Variants in ALMS1 observed in about 807,000 individuals in gnomAD.
ALMS1 encodes the protein ALMS1 centrosome and basal body associated protein, also known as centrosome-associated protein ALMS1.
Under a neutral mutation model 352.2 loss-of-function variants are expected in ALMS1, and 271 were observed. That is an observed-to-expected ratio of 0.77 (90% CI 0.70 to 0.85). The LOEUF (loss-of-function observed/expected upper bound fraction) is 0.85, where lower values mean the gene tolerates loss of function less well. Ranked by LOEUF, ALMS1 falls within the 40% of genes least tolerant of loss-of-function variation. The pLI, the probability that ALMS1 is intolerant of heterozygous loss-of-function variation, is 0.00. For missense variants in ALMS1, 5,445 were observed against 4,870.7 expected (o/e 1.12, Z -3.51); for synonymous variants, 1,865 against 1,761.2 (o/e 1.06, Z -1.48).
chr2:73,475,502 T>C (rs1025311373), intron 9 of ALMS1, among the ~76,000 whole-genome samples: 1 of 152,190 alleles, frequency 6.6e-6, no homozygotes, highest in Non-Finnish European at 1.5e-5. Context: ...CATGTGCTTA[T>C]TGGTCATTTA....
intron 7 of ALMS1, among the ~76,000 whole-genome samples, chr2:73,446,933 TA>T (rs1671820833): frequency 1.3e-5 from 2 of 152,132 alleles, no homozygotes; most frequent in Non-Finnish European, 2.9e-5. Flanking sequence ...ACGTAAAAAA[TA>T]GATAATACTT....
At chr2:73,478,575 A>AT (rs201188348) in intron 9 of ALMS1, among the ~76,000 whole-genome samples, 5 of 151,728 alleles carry the variant, frequency 3.3e-5, no homozygotes, top group Admixed American at 6.6e-5. Flanking sequence ...TAAAAACAAC[A>AT]TTTTTTTTGC....
intron 12 of ALMS1, among the ~76,000 whole-genome samples, chr2:73,546,136 C>G (rs1238630597): frequency 6.6e-6 from 1 of 152,054 alleles, no homozygotes; most frequent in Admixed American, 6.6e-5. Flanking sequence ...GATTTTGACC[C>G]TCTATAGCAA....
In ALMS1 at chr2:73,453,616, A is replaced by G. The variant is rs751020257; in HGVS notation, c.7089A>G (p.Leu2363=). Residue 2363 remains leucine, a synonymous_variant, in exon 8 of 23, where the codon CTA becomes CTG. Transcript: ENST00000613296. The stretch of plus-strand genomic sequence containing the variant: ...GTTCAACTACAGTTAGAAGTCCTCT[A>G]CAGGAAGCAGAGAGCAAAGTCAGTA... ...FISSTTVRSP[L]QEAESKVSMA... 46 of 1,613,928 alleles carry G rather than the reference A, an allele frequency of 2.9e-5. No homozygotes were observed. Among genetic ancestry groups the G allele is most frequent in the Non-Finnish European group, 3.6e-5 (43 of 1,180,004 alleles).
At position 73,600,709 on chromosome 2, in the gene ALMS1, A is replaced by C. The variant is rs1224532344; in HGVS notation, c.11700A>C (p.Lys3900Asn). 1.2e-6 allele frequency: 2 copies of C among 1,613,976 alleles called. No homozygotes were observed. Among genetic ancestry groups the C allele is most frequent in the Middle Eastern group, 3.3e-4 (2 of 6,084 alleles). The change falls in exon 18 of 23, where the codon AAA becomes AAC. Residue 3900 changes from lysine (K) to asparagine (N), a missense_variant. Physicochemically the swap from Lys to Asn is moderately conservative, Grantham distance 94. Transcript: ENST00000613296. ...GNLEIVNGAKKHTRDVGITFP... is the reference protein window; with the variant it reads ...GNLEIVNGAKNHTRDVGITFP... Reference sequence around the variant, plus strand: ...TGGAGATTGTGAACGGTGCCAAAAAACACACTCGAGATGTTGGGATAACTT... The same window carrying C: ...TGGAGATTGTGAACGGTGCCAAAAACCACACTCGAGATGTTGGGATAACTT...
chr2:73,470,870 T>A (rs1257587327), intron 9 of ALMS1: 2 of 151,820 alleles, frequency 1.3e-5, no homozygotes, highest in African/African-American at 4.8e-5. Context: ...TCTCTTGGGA[T>A]GGTTTTTTAT....
intron 1 of ALMS1, among the ~76,000 whole-genome samples, chr2:73,407,137 T>C (rs1670988225): frequency 6.6e-6 from 1 of 152,220 alleles, no homozygotes; most frequent in Non-Finnish European, 1.5e-5. Context: ...ATGGGGACTC[T>C]GCAGAATCCT....
rs1453153295 is a variant in ALMS1, at chr2:73,452,549, A to C, written c.6022A>C (p.Lys2008Gln). ...ISTVHIPDDQ[K>Q]TEFPAATLSS... is the part of the protein sequence containing the mutation. ...AACTGTGCATATACCAGATGACCAG[A>C]AAACTGAGTTTCCAGCAGCTACCCT... The change falls in exon 8 of 23, where the codon AAA (lysine) becomes CAA (glutamine). Residue 2008 changes from lysine (K) to glutamine (Q), a missense_variant. Transcript: ENST00000613296. The C allele has an allele frequency of 1.9e-6, 3 of 1,614,100 alleles. No individual in the cohort carries two copies.
rs1167403004 is a variant in ALMS1 at position 73,550,306 on chromosome 2, T to C, written c.9947T>C (p.Val3316Ala). The change falls in exon 13 of 23, where the codon GTG becomes GCG. Residue 3316 changes from valine to alanine, a missense_variant. Physicochemically the swap from Val to Ala is moderately conservative, Grantham distance 64 (BLOSUM62 0). Transcript: ENST00000613296. ...ATTGCTCCAGACTTCCCAGCTCAGG[T>C]GCTAGGCACAAGAGATGATGACCTC... is the stretch of plus-strand genomic sequence containing the variant. The part of the protein sequence containing the change: ...DAIAPDFPAQ[V>A]LGTRDDDLSA... The C allele has an allele frequency of 6.2e-7, 1 of 1,614,172 alleles. No homozygotes were observed.
chr2:73,392,495 C>T (rs773511464), intron 1 of ALMS1, among the ~76,000 whole-genome samples: 2 of 152,138 alleles, frequency 1.3e-5, no homozygotes, highest in Non-Finnish European at 2.9e-5. Context: ...AAACCCCATA[C>T]ACTTTAGCTG....
chr2:73,415,673 C>T lies in ALMS1; in HGVS notation c.451-3450C>T, dbSNP rs186874193. Among the ~76,000 whole-genome samples the T allele has an allele frequency of 1.1e-3, 173 of 152,222 alleles. 1 individual carries two copies. Among genetic ancestry groups the T allele is most frequent in the African/African-American group, 3.5e-3 (146 of 41,522 alleles). ...GGATTTCCAGGCAATATTGAGTGCC[C>T]TTCAGGTTTAGTGACATCAATTTAA... On this transcript the variant is annotated intron_variant, in intron 2 of 22. Coordinates refer to ENST00000613296, the MANE Select transcript of ALMS1 (RefSeq NM_001378454.1).
At chr2:73,482,337 A>G (rs1476182114) in intron 9 of ALMS1, among the ~76,000 whole-genome samples, 3 of 152,190 alleles carry the variant, frequency 2.0e-5, no homozygotes, top group African/African-American at 4.8e-5. Context: ...TGAGAAAATC[A>G]TGTGGTTTTT....
chr2:73,419,074 T>C (rs779040811), intron 2 of ALMS1, 49 bp from the exon 3 acceptor site: 16 of 1,456,032 alleles, frequency 1.1e-5, no homozygotes, highest in Middle Eastern at 1.8e-4. Flanking sequence ...TTAATATGTA[T>C]GGTAACTCAG....
In ALMS1 at chr2:73,600,659, C is replaced by G; in HGVS notation, c.11669-19C>G. The G allele has an allele frequency of 1.2e-6, 2 of 1,608,634 alleles. No individual in the cohort carries two copies. The highest frequency in any genetic ancestry group is 1.7e-6 in the Non-Finnish European group (2 of 1,177,316). On this transcript the variant is annotated intron_variant, in intron 17 of 22. Transcript: ENST00000613296. Reference sequence around the variant, plus strand: ...GCCTCAAGGTTACTCCCAGAGACACCTATGATCCTTCCCCTCAGGTAACTT... The same window carrying G: ...GCCTCAAGGTTACTCCCAGAGACACGTATGATCCTTCCCCTCAGGTAACTT...
rs765378599 is a variant in ALMS1 at position 73,386,071 on chromosome 2, T to A, written c.203T>A (p.Ile68Lys). The A allele has an allele frequency of 6.3e-7, 1 of 1,595,432 alleles. No homozygotes were observed. The highest frequency in any genetic ancestry group is 1.1e-5 in the South Asian group (1 of 87,808). Residue 68 changes from isoleucine (I) to lysine (K), a missense_variant, in exon 1 of 23, where the codon ATA becomes AAA. Coordinates refer to ENST00000613296, the MANE Select transcript of ALMS1 (RefSeq NM_001378454.1). ...SHYGPQHLES[I>K]DDEEDEEAKA... Reference sequence around the variant, plus strand: ...TACGGGCCCCAGCATCTGGAAAGTATAGACGACGAGGAGGACGAGGAGGCC... The same window carrying A: ...TACGGGCCCCAGCATCTGGAAAGTAAAGACGACGAGGAGGACGAGGAGGCC...
chr2:73,455,299 T>G lies in ALMS1; in HGVS notation c.7674+4T>G. Reference sequence around the variant, plus strand: ...AAGAACAACTGACTTGTCCAAGGTATAAAAGAAATCTGGAAATGAAGAAAG... The same window carrying G: ...AAGAACAACTGACTTGTCCAAGGTAGAAAAGAAATCTGGAAATGAAGAAAG... On this transcript the variant is annotated splice_donor_region_variant and intron_variant, in intron 9 of 22. Coordinates refer to ENST00000613296, the MANE Select transcript of ALMS1 (RefSeq NM_001378454.1). The G allele has an allele frequency of 6.2e-7, 1 of 1,613,942 alleles. No homozygotes were observed.
In ALMS1 at chr2:73,490,160, T is replaced by C; in HGVS notation, c.8201T>C (p.Val2734Ala). The C allele has an allele frequency of 6.2e-7, 1 of 1,614,194 alleles. No individual in the cohort carries two copies. The highest frequency in any genetic ancestry group is 1.3e-5 in the African/African-American group (1 of 75,058). ...ATTTCCAATTCCTCTGTTGTTAAGG[T>C]TGGTGTTACTGAAGGTAGCCAGTGT... is the stretch of plus-strand genomic sequence containing the variant. ...KCISNSSVVK[V>A]GVTEGSQCTG... Residue 2734 changes from valine (V) to alanine (A), a missense_variant, in exon 10 of 23, where the codon GTT (valine) becomes GCT (alanine). Physicochemically the swap from Val to Ala is moderately conservative, Grantham distance 64. Coordinates refer to ENST00000613296, the MANE Select transcript of ALMS1 (RefSeq NM_001378454.1).
chr2:73,481,194 G>C (rs1225813042), intron 9 of ALMS1, among the ~76,000 whole-genome samples: 1 of 152,166 alleles, frequency 6.6e-6, no homozygotes, highest in African/African-American at 2.4e-5. Flanking sequence ...TTCTTCTAGG[G>C]TTTTTATGGT....
At position 73,572,873 on chromosome 2, in the gene ALMS1, A is replaced by G. The variant is rs768307694; in HGVS notation, c.10996A>G (p.Arg3666Gly). 4 of 1,614,142 alleles carry G rather than the reference A, an allele frequency of 2.5e-6. No homozygotes were observed. The highest frequency in any genetic ancestry group is 2.5e-6 in the Non-Finnish European group (3 of 1,180,006). ...ACGAAGTGTGAAGGAATGGAGTGGTAGACAACAGCAGAGAAATAAGCTTCA... is the reference window on the plus strand; with the variant it reads ...ACGAAGTGTGAAGGAATGGAGTGGTGGACAACAGCAGAGAAATAAGCTTCA... ...GERSVKEWSGRQQQRNKLQKK... is the reference protein window; with the variant it reads ...GERSVKEWSGGQQQRNKLQKK... Residue 3666 changes from arginine to glycine, a missense_variant, in exon 16 of 23, where the codon AGA becomes GGA. Transcript: ENST00000613296.
Sources: gnomAD v4.1 joint callset for allele counts (sites outside exome capture counted in the v4.1 genomes callset) on GRCh38, gnomAD v4.1.1 for gene constraint, MANE v1.5 for transcripts, NCBI Gene and HGNC (gene_info 2026-07-23, HGNC 2026-07-21) for gene names.